SOAT2: variants seen among roughly 807,000 people sequenced by gnomAD.
The protein encoded by SOAT2 is ACAT-2.
SOAT2 carries 87 observed loss-of-function variants against 76.0 expected under a neutral mutation model. The ratio of observed to expected loss-of-function variants is 1.14; its 90% confidence interval spans 0.96 to 1.37. SOAT2 has a LOEUF of 1.37. SOAT2 is among the 40% of genes most tolerant of loss of function. The pLI is 0.00. For missense variants in SOAT2, 686 were observed against 682.1 expected (o/e 1.01, Z -0.06); for synonymous variants, 285 against 275.4 (o/e 1.03, Z -0.34).
chr12:53,121,763 G>T (rs890766588), intron 12 of SOAT2, among the ~76,000 whole-genome samples: 1 of 143,354 alleles, frequency 7.0e-6, no homozygotes, highest in Non-Finnish European at 1.5e-5. Flanking sequence ...TTTTAAAATG[G>T]CACCTAAGTC....
rs191641319 is a variant in SOAT2, at chr12:53,118,766, G to T, written c.864-124G>T. The T allele has an allele frequency of 5.7e-6, 6 of 1,055,564 alleles. No homozygotes were observed. In the African/African-American group the frequency reaches 9.3e-5, roughly 16 times the overall value. 65.4% of individuals were successfully genotyped at this position (1,055,564 alleles called of 1,614,324 possible). On this transcript the variant is annotated intron_variant, in intron 8 of 14. Transcript: ENST00000301466. ...GAGTATCCTAGACCCCACCACCCTA[G>T]ATAATCCTCCCAGGCCTAAGCAATT...
chr12:53,123,864 C>T lies in SOAT2; in HGVS notation c.1509C>T (p.Pro503=), dbSNP rs1446251995. 1.2e-6 allele frequency: 2 copies of T among 1,614,136 alleles called. No individual in the cohort carries two copies. Among genetic ancestry groups the T allele is most frequent in the Non-Finnish European group, 8.5e-7 (1 of 1,180,030 alleles). The change falls in exon 14 of 15, where the codon CCC becomes CCT. Residue 503 remains proline (P), a synonymous_variant. Coordinates refer to ENST00000301466, the MANE Select transcript of SOAT2 (RefSeq NM_003578.4). ...CQEWYARRHC[P]LPQATFWGLV... Reference sequence around the variant, plus strand: ...AGTGGTACGCACGGCGGCACTGCCCCTTACCCCAGGTAAGAGACCACAACC... The same window carrying T: ...AGTGGTACGCACGGCGGCACTGCCCTTTACCCCAGGTAAGAGACCACAACC...
chr12:53,104,998 TTA>T (rs1491268184), intron 2 of SOAT2, 107 bp from the exon 3 acceptor site: 501 of 1,261,782 alleles, frequency 4.0e-4, no homozygotes, highest in East Asian at 1.0e-3. Context: ...GTTTTTTTTT[TTA>T]AAAAAAGCAC....
rs758274786 is a variant in SOAT2, at chr12:53,105,567, G to T, written c.282G>T (p.Gln94His). ...PPPPGSLSRT[Q>H]EPSLGKQKVF... ...AACAAACATCTCAATTCAGGACCCAGGAGCCATCCCTGGGGAAACAGAAAG... is the reference window on the plus strand; with the variant it reads ...AACAAACATCTCAATTCAGGACCCATGAGCCATCCCTGGGGAAACAGAAAG... Residue 94 changes from glutamine to histidine, a missense_variant, in exon 4 of 15, where the codon CAG becomes CAT. Coordinates refer to ENST00000301466, the MANE Select transcript of SOAT2 (RefSeq NM_003578.4). 2.5e-6 allele frequency: 4 copies of T among 1,611,624 alleles called. No homozygotes were observed. The highest frequency in any genetic ancestry group is 3.4e-6 in the Non-Finnish European group (4 of 1,178,680).
intron 1 of SOAT2, 88 bp downstream of exon 1, chr12:53,103,747 T>C: frequency 9.1e-7 from 1 of 1,097,576 alleles, no homozygotes. Context: ...TCCAACTGCC[T>C]GATGCCAATC....
chr12:53,107,208 G>C (rs149486640), intron 5 of SOAT2, among the ~76,000 whole-genome samples: 1 of 152,130 alleles, frequency 6.6e-6, no homozygotes, highest in Non-Finnish European at 1.5e-5. Flanking sequence ...ATGGGGAGTC[G>C]TAATCTTTCT....
At chr12:53,104,987 T>TG in intron 2 of SOAT2, 120 bp from the exon 3 acceptor site, 1 of 1,051,600 alleles carries the variant, frequency 9.5e-7, no homozygotes, top group South Asian at 1.7e-5. Context: ...CCCCCCAGGT[T>TG]GTTTTTTTTT....
In SOAT2 at chr12:53,103,597, G is replaced by C. The variant is rs76539516; in HGVS notation, c.20G>C (p.Arg7Pro). 2.5e-4 allele frequency: 392 copies of C among 1,546,618 alleles called. 4 individuals carry two copies. The East Asian group carries it at 9.5e-3, about 38-fold the overall frequency. Reference sequence around the variant, plus strand: ...CGCACCATGGAGCCAGGCGGGGCCCGTCTGCGTCTGCAGAGGACAGAAGGG... The same window carrying C: ...CGCACCATGGAGCCAGGCGGGGCCCCTCTGCGTCTGCAGAGGACAGAAGGG... Reference protein sequence around the residue: MEPGGARLRLQRTEGLG... With the variant: MEPGGAPLRLQRTEGLG... The change falls in exon 1 of 15, where the codon CGT becomes CCT. Residue 7 changes from arginine (R) to proline (P), a missense_variant. Physicochemically the swap from Arg to Pro is moderately radical, Grantham distance 103. Transcript: ENST00000301466.
rs775812147 is a variant in SOAT2, at chr12:53,105,990, CCAT to C, written c.421_423del (p.Ile141del). ...TGTGTCTTCATCATCAGCACCCTGG[CCAT>C]CGACTTCATTGATGAGGGCAGGTAG... is the stretch of plus-strand genomic sequence containing the variant. On this transcript the variant is annotated inframe_deletion, in exon 5 of 15. Coordinates refer to ENST00000301466, the MANE Select transcript of SOAT2 (RefSeq NM_003578.4). The C allele has an allele frequency of 4.3e-6, 7 of 1,613,890 alleles. No individual in the cohort carries two copies. The South Asian group carries it at 7.7e-5, about 18-fold the overall frequency.
chr12:53,116,350 T>A (rs1938107755), intron 7 of SOAT2, among the ~76,000 whole-genome samples, 184 bp downstream of exon 7: 2 of 152,268 alleles, frequency 1.3e-5, no homozygotes, highest in African/African-American at 2.4e-5. Context: ...CCCCTGCCTC[T>A]GACAGATGGC....
intron 5 of SOAT2, among the ~76,000 whole-genome samples, chr12:53,107,861 G>A (rs780883970): frequency 5.6e-4 from 86 of 152,236 alleles, no homozygotes; most frequent in Admixed American, 1.4e-3. Flanking sequence ...GACCTCAGGC[G>A]ATCTGCCCAC....
intron 5 of SOAT2, among the ~76,000 whole-genome samples, chr12:53,112,884 A>T (rs1396284919): frequency 1.3e-5 from 2 of 149,574 alleles, no homozygotes; most frequent in Non-Finnish European, 3.0e-5. Context: ...GGGTTCAAGC[A>T]ATTCTCTGCC....
chr12:53,113,714 T>G (rs1938058153), intron 5 of SOAT2, among the ~76,000 whole-genome samples: 1 of 152,236 alleles, frequency 6.6e-6, no homozygotes, highest in South Asian at 2.1e-4. Flanking sequence ...CTTATATACC[T>G]TCTAAGCTCT....
At chr12:53,106,156 C>T (rs752253233) in intron 5 of SOAT2, 142 bp downstream of exon 5, 14 of 614,306 alleles carry the variant, frequency 2.3e-5, no homozygotes, top group Admixed American at 2.2e-4. Context: ...TCCCAACAAC[C>T]TTTCCACCTG....
rs774893507 is a variant in SOAT2 at position 53,115,554 on chromosome 12, T to C, written c.608T>C (p.Leu203Pro). 7 of 1,595,098 alleles carry C rather than the reference T, an allele frequency of 4.4e-6. No homozygotes were observed. Among genetic ancestry groups the C allele is most frequent in the African/African-American group, 1.3e-5 (1 of 74,786 alleles). The change falls in exon 6 of 15, where the codon CTG becomes CCG. Residue 203 changes from leucine (L) to proline (P), a missense_variant. Physicochemically the swap from Leu to Pro is moderately conservative, Grantham distance 98. Transcript: ENST00000301466. ...CAGGCGACGGGCCTGGGCTGTGCGC[T>C]GCTAGCCGCCCACGCCGTGGTGCTC... ...WTQATGLGCALLAAHAVVLCA... is the reference protein window; with the variant it reads ...WTQATGLGCAPLAAHAVVLCA...
intron 7 of SOAT2, among the ~76,000 whole-genome samples, chr12:53,118,126 C>T (rs764371497): frequency 6.6e-5 from 10 of 152,044 alleles, no homozygotes; most frequent in Admixed American, 1.3e-4. Context: ...GATAGGGTGC[C>T]TGAAATGACA....
intron 2 of SOAT2, 119 bp from the exon 3 acceptor site, chr12:53,104,988 G>T (rs747167252): frequency 1.5e-5 from 15 of 994,182 alleles, no homozygotes; most frequent in Middle Eastern, 2.9e-4. Flanking sequence ...CCCCCAGGTT[G>T]TTTTTTTTTT....
At chr12:53,104,445 T>A (rs542554333) in intron 2 of SOAT2, among the ~76,000 whole-genome samples, 29 of 152,082 alleles carry the variant, frequency 1.9e-4, no homozygotes, top group South Asian at 1.0e-3. Flanking sequence ...ATTTTTTTTT[T>A]ATATTTTTAG....
At chr12:53,116,895 T>G (rs567466385) in intron 7 of SOAT2, among the ~76,000 whole-genome samples, 1 of 151,640 alleles carries the variant, frequency 6.6e-6, no homozygotes, top group South Asian at 2.1e-4. Context: ...GACATGCAAC[T>G]CTTTCTTTCA....
Sources: allele counts gnomAD v4.1 joint callset (sites outside exome capture counted in the v4.1 genomes callset), GRCh38; gene constraint gnomAD v4.1.1; transcripts MANE v1.5; gene names NCBI Gene and HGNC (gene_info 2026-07-23, HGNC 2026-07-21).